Variants in CDH18 observed in about 807,000 individuals in gnomAD.
CDH18 encodes the protein cadherin-18.
A neutral mutation model predicts 67.9 loss-of-function variants in CDH18; 31 were observed. The observed-to-expected ratio is 0.46, with a 90% CI of 0.34 to 0.62. CDH18 has a LOEUF of 0.62. Ranked by LOEUF, CDH18 falls within the 20% of genes least tolerant of loss-of-function variation. CDH18 has a pLI of 0.01. For missense variants in CDH18, 890 were observed against 975.5 expected (o/e 0.91, Z 1.17); for synonymous variants, 362 against 347.2 (o/e 1.04, Z -0.48).
chr5:20,356,611 T>C (rs1045416813), intron 1 of CDH18, among the ~76,000 whole-genome samples: 38 of 151,640 alleles, frequency 2.5e-4, no homozygotes, highest in African/African-American at 9.2e-4. Context: ...ACATTATTAA[T>C]TGAATTAAAA....
At position 19,995,548 on chromosome 5, in the gene CDH18, A is replaced by G. The variant is rs186578977; in HGVS notation, c.-517-3534T>C. 1.9e-4 allele frequency among the ~76,000 whole-genome samples: 29 copies of G among 149,878 alleles called. No homozygotes were observed. The East Asian group carries it at 4.9e-3, about 26-fold the overall frequency. On this transcript the variant is annotated intron_variant, in intron 2 of 14. Transcript: ENST00000507958. The stretch of plus-strand genomic sequence containing the variant: ...GGTTGTTTTACTGTCTGAACATACT[A>G]CCTCACTTTTAGACTAGGATACTAC...
intron 2 of CDH18, among the ~76,000 whole-genome samples, chr5:20,136,805 A>G (rs529459057): frequency 1.5e-4 from 23 of 152,228 alleles, no homozygotes; most frequent in African/African-American, 5.5e-4. Flanking sequence ...ATCTCTCAGT[A>G]TTTGCTTGTC....
At chr5:19,801,634 C>G (rs1777481724) in intron 3 of CDH18, among the ~76,000 whole-genome samples, 1 of 152,134 alleles carries the variant, frequency 6.6e-6, no homozygotes, top group African/African-American at 2.4e-5. Flanking sequence ...TCATATTTTT[C>G]CCAAGGGAAT....
At chr5:20,367,227 C>G (rs755227821) in intron 1 of CDH18, among the ~76,000 whole-genome samples, 36 of 152,102 alleles carry the variant, frequency 2.4e-4, no homozygotes, top group Non-Finnish European at 5.1e-4. Context: ...GTTAGATTCC[C>G]AGGAAAAGTG....
chr5:19,977,233 T>G (rs1798586536), intron 2 of CDH18, among the ~76,000 whole-genome samples: 1 of 152,212 alleles, frequency 6.6e-6, no homozygotes, highest in East Asian at 1.9e-4. Flanking sequence ...TTATTGGGAG[T>G]TGGTTCTGCT....
At chr5:20,190,645 T>C (rs1397977204) in intron 2 of CDH18, among the ~76,000 whole-genome samples, 4 of 152,116 alleles carry the variant, frequency 2.6e-5, no homozygotes, top group Non-Finnish European at 4.4e-5. Flanking sequence ...CCCAAAGCTA[T>C]TGTTCAAGAA....
rs181548762 is a variant in CDH18 at position 19,820,637 on chromosome 5, C to T, written c.228+18122G>A. ...AGCCCCTGTGAGAGAGTGCAGCCTG[C>T]CAGGGACCTGTTTGAGCCTAAAGAA... is the stretch of plus-strand genomic sequence containing the variant. On this transcript the variant is annotated intron_variant, in intron 3 of 12. Coordinates refer to ENST00000382275, the MANE Select transcript of CDH18 (RefSeq NM_004934.5). Among the ~76,000 whole-genome samples, 712 of 152,298 alleles carry T rather than the reference C, an allele frequency of 4.7e-3. 2 individuals are homozygous for T. Among genetic ancestry groups the T allele is most frequent in the Non-Finnish European group, 8.6e-3 (582 of 68,026 alleles).
At chr5:19,860,899 C>T (rs373579533) in intron 2 of CDH18, among the ~76,000 whole-genome samples, 6 of 152,196 alleles carry the variant, frequency 3.9e-5, no homozygotes, top group South Asian at 4.1e-4. Flanking sequence ...CTTTTTCACT[C>T]ATAATTGTCT....
At chr5:19,979,506 G>C (rs1798829627) in intron 2 of CDH18, among the ~76,000 whole-genome samples, 1 of 151,936 alleles carries the variant, frequency 6.6e-6, no homozygotes, top group Non-Finnish European at 1.5e-5. Flanking sequence ...TGATATATTG[G>C]CTGGGGAAAC....
At chr5:20,108,706 G>A (rs1457061472) in intron 2 of CDH18, among the ~76,000 whole-genome samples, 1 of 152,050 alleles carries the variant, frequency 6.6e-6, no homozygotes, top group African/African-American at 2.4e-5. Flanking sequence ...ACTACTGCTG[G>A]TTCCTTCTGT....
chr5:20,471,181 T>G lies in CDH18; in HGVS notation c.-580+104281A>C, dbSNP rs532439666. On this transcript the variant is annotated intron_variant, in intron 1 of 14. Coordinates refer to the CDH18 transcript ENST00000507958. ...CTAAGAGCAAGGCCACTTCTCAGAA[T>G]GTATGTATTTTTGACACTGTTGATC... 2.0e-5 allele frequency among the ~76,000 whole-genome samples: 3 copies of G among 152,224 alleles called. No individual in the cohort carries two copies. The South Asian group carries it at 6.2e-4, about 32-fold the overall frequency.
intron 9 of CDH18, among the ~76,000 whole-genome samples, chr5:19,535,768 GT>G (rs1178325078): frequency 6.6e-6 from 1 of 152,132 alleles, no homozygotes; most frequent in Non-Finnish European, 1.5e-5. Context: ...TGCAATTTTT[GT>G]TGTTTCATTT....
chr5:20,022,611 A>G (rs1580058767), intron 2 of CDH18, among the ~76,000 whole-genome samples: 1 of 152,214 alleles, frequency 6.6e-6, no homozygotes, highest in Non-Finnish European at 1.5e-5. Flanking sequence ...TATTTTATAT[A>G]CGATATTATG....
chr5:20,488,807 C>T (rs1753386296), intron 1 of CDH18, among the ~76,000 whole-genome samples: 1 of 151,302 alleles, frequency 6.6e-6, no homozygotes, highest in Admixed American at 6.6e-5. Context: ...AACCTAAGAC[C>T]TTAGAGATAG....
intron 5 of CDH18, among the ~76,000 whole-genome samples, chr5:19,679,322 C>A (rs1038324436): frequency 6.6e-6 from 1 of 151,834 alleles, no homozygotes; most frequent in Non-Finnish European, 1.5e-5. Context: ...TAGAAGCCAT[C>A]TATGAAAAAT....
intron 11 of CDH18, among the ~76,000 whole-genome samples, chr5:19,487,629 T>A (rs1232951967): frequency 6.6e-6 from 1 of 152,168 alleles, no homozygotes; most frequent in South Asian, 2.1e-4. Context: ...ATACCCTTAG[T>A]TTAATGCAGA....
chr5:19,932,552 C>T (rs553362426), intron 2 of CDH18, among the ~76,000 whole-genome samples: 4 of 151,482 alleles, frequency 2.6e-5, no homozygotes, highest in South Asian at 2.1e-4. Context: ...AATTACAATC[C>T]GCCCCTCTCC....
At chr5:19,696,130 A>G (rs1762503294) in intron 5 of CDH18, among the ~76,000 whole-genome samples, 1 of 152,150 alleles carries the variant, frequency 6.6e-6, no homozygotes, top group Non-Finnish European at 1.5e-5. Context: ...TTATTGGCAA[A>G]GATATGCTAT....
chr5:19,671,113 A>C (rs1758692311), intron 5 of CDH18, among the ~76,000 whole-genome samples: 1 of 152,118 alleles, frequency 6.6e-6, no homozygotes, highest in Admixed American at 6.6e-5. Context: ...GTAAGAAATA[A>C]AAATTTGTTT....
Sources: allele counts gnomAD v4.1 joint callset (sites outside exome capture counted in the v4.1 genomes callset), GRCh38; gene constraint gnomAD v4.1.1; transcripts MANE v1.5; gene names NCBI Gene and HGNC (gene_info 2026-07-23, HGNC 2026-07-21).